Variants in SND1 observed in about 807,000 individuals in gnomAD.
SND1 encodes staphylococcal nuclease domain-containing protein 1.
SND1 carries 38 observed loss-of-function variants against 121.7 expected under a neutral mutation model. That is an observed-to-expected ratio of 0.31 (90% CI 0.24 to 0.41). SND1 has a LOEUF of 0.41. SND1 is among the 10% of genes least tolerant of loss of function. The pLI is 1.00. For missense variants in SND1, 868 were observed against 1,184.6 expected, an observed-to-expected ratio of 0.73 and a Z score of 3.92; for synonymous variants, 401 against 447.4, an observed-to-expected ratio of 0.90 and a Z score of 1.31.
intron 15 of SND1, among the ~76,000 whole-genome samples, chr7:127,986,914 GTCT>G (rs762067281): frequency 6.6e-6 from 1 of 152,192 alleles, no homozygotes; most frequent in Non-Finnish European, 1.5e-5. Flanking sequence ...GTAGTGTTTT[GTCT>G]TCTTTTGTGT....
intron 10 of SND1, among the ~76,000 whole-genome samples, chr7:127,762,911 A>G (rs1385995792): frequency 6.6e-6 from 1 of 152,224 alleles, no homozygotes; most frequent in Admixed American, 6.5e-5. Flanking sequence ...CTGGCTAAAT[A>G]TGTAGGTAAC....
chr7:127,809,220 C>T (rs1798292163), intron 11 of SND1, among the ~76,000 whole-genome samples: 1 of 152,138 alleles, frequency 6.6e-6, no homozygotes, highest in Non-Finnish European at 1.5e-5. Context: ...AATTAGGTTC[C>T]CTCTTGGTGA....
chr7:127,817,269 T>G (rs1483191232), intron 11 of SND1, among the ~76,000 whole-genome samples: 1 of 152,176 alleles, frequency 6.6e-6, no homozygotes, highest in Non-Finnish European at 1.5e-5. Context: ...AGTGTACTGA[T>G]TGTGGTTATC....
intron 16 of SND1, among the ~76,000 whole-genome samples, chr7:128,051,331 TGA>T (rs143237094): frequency 0.086 from 12,997 of 151,590 alleles, 1,001 homozygotes; most frequent in African/African-American, 0.2. Flanking sequence ...CCTGTAAGTA[TGA>T]GAGAGAGAGA....
chr7:127,923,330 G>A (rs1189481656), intron 14 of SND1, among the ~76,000 whole-genome samples: 1 of 152,004 alleles, frequency 6.6e-6, no homozygotes, highest in Non-Finnish European at 1.5e-5. Flanking sequence ...TTTTGTTTGG[G>A]GGTTTGTTTT....
chr7:128,030,045 T>C (rs1468111270), intron 16 of SND1: 2 of 1,613,270 alleles, frequency 1.2e-6, no homozygotes, highest in Middle Eastern at 1.6e-4. Context: ...GTTCAGATAC[T>C]TGAGGTTGAA....
rs77709985 is a variant in SND1, at chr7:128,035,764, C to T, written c.1780-38738C>T. On this transcript the variant is annotated intron_variant, in intron 16 of 23. Transcript: ENST00000354725. ...AGCACCAGTCTGCACTTCCTAGTGA[C>T]TTTGGGTCGCCAATAGAAAATGACA... 5.0e-3 allele frequency among the ~76,000 whole-genome samples: 769 copies of T among 152,316 alleles called. 5 individuals carry two copies. Among genetic ancestry groups the T allele is most frequent in the African/African-American group, 0.018 (741 of 41,556 alleles).
chr7:127,982,757 A>G (rs1802295347), intron 15 of SND1, among the ~76,000 whole-genome samples: 2 of 152,210 alleles, frequency 1.3e-5, no homozygotes, highest in African/African-American at 4.8e-5. Context: ...GCAGTTTTCA[A>G]TAGTGAACTG....
chr7:127,663,662 CA>C (rs1235558381), intron 1 of SND1, among the ~76,000 whole-genome samples: 2 of 152,206 alleles, frequency 1.3e-5, no homozygotes, highest in Admixed American at 1.3e-4. Flanking sequence ...AGGCGTGAGC[CA>C]CCACGCCTGG....
rs1051795835 is a variant in SND1 at position 127,666,096 on chromosome 7, C to G, written c.78+13645C>G. Among the ~76,000 whole-genome samples, 4 of 152,328 alleles carry G rather than the reference C, an allele frequency of 2.6e-5. No individual in the cohort carries two copies. In the East Asian group the frequency reaches 7.7e-4, roughly 29 times the overall value. On this transcript the variant is annotated intron_variant, in intron 1 of 23. Coordinates refer to ENST00000354725, the MANE Select transcript of SND1 (RefSeq NM_014390.4). ...TTAAAAGCTGAGTTATCTTGTTAAG[C>G]TGTTCTCTTGTGAGGGCTTTAGAAT...
chr7:127,852,617 C>G (rs1799189947), intron 12 of SND1, among the ~76,000 whole-genome samples: 1 of 152,050 alleles, frequency 6.6e-6, no homozygotes, highest in African/African-American at 2.4e-5. Flanking sequence ...CAAGACCAGC[C>G]TGCCCAACAT....
chr7:128,078,884 G>T (rs1437905622), intron 17 of SND1, among the ~76,000 whole-genome samples: 2 of 152,216 alleles, frequency 1.3e-5, no homozygotes, highest in Non-Finnish European at 1.5e-5. Flanking sequence ...CAAGCTCAGT[G>T]CCGGGAAAGG....
At chr7:127,689,120 CAG>C in intron 2 of SND1, among the ~76,000 whole-genome samples, 1 of 152,208 alleles carries the variant, frequency 6.6e-6, no homozygotes, top group East Asian at 1.9e-4. Flanking sequence ...GCATATACCT[CAG>C]GGTCGTTTAA....
chr7:128,032,245 GC>G (rs1792643171), intron 16 of SND1: 1 of 149,530 alleles, frequency 6.7e-6, no homozygotes, highest in Non-Finnish European at 1.5e-5. Flanking sequence ...GCGCCGCGCA[GC>G]CCCGCGCCTC....
At position 127,819,001 on chromosome 7, in the gene SND1, T is replaced by C. The variant is rs151114810; in HGVS notation, c.1242+11428T>C. Among the ~76,000 whole-genome samples the C allele has an allele frequency of 3.0e-4, 45 of 152,302 alleles. 1 individual carries two copies. The East Asian group carries it at 6.6e-3, about 22-fold the overall frequency. ...AACATTTGAGTGAGAAAATCATAAT[T>C]TGATGGTCTCTGCATTTATGACACC... is the stretch of plus-strand genomic sequence containing the variant. On this transcript the variant is annotated intron_variant, in intron 11 of 23. Coordinates refer to ENST00000354725, the MANE Select transcript of SND1 (RefSeq NM_014390.4).
At chr7:127,752,979 A>G (rs1797128285) in intron 10 of SND1, among the ~76,000 whole-genome samples, 1 of 152,186 alleles carries the variant, frequency 6.6e-6, no homozygotes, top group Non-Finnish European at 1.5e-5. Context: ...TATCTGCTTG[A>G]AGACAGCTGA....
chr7:127,894,383 TAA>T (rs879884918), intron 13 of SND1, among the ~76,000 whole-genome samples: 13 of 141,338 alleles, frequency 9.2e-5, no homozygotes, highest in Admixed American at 1.4e-4. Flanking sequence ...ATGTGTGCCT[TAA>T]AAAAAAAAAA....
At chr7:127,932,008 A>G (rs1282686317) in intron 15 of SND1, among the ~76,000 whole-genome samples, 2 of 152,270 alleles carry the variant, frequency 1.3e-5, no homozygotes, top group African/African-American at 4.8e-5. Flanking sequence ...GCCTGCTAAC[A>G]TAGCATTCAT....
At position 127,870,534 on chromosome 7, in the gene SND1, A is replaced by G. The variant is rs148060661; in HGVS notation, c.1344-17368A>G. ...CTGTATGGTATAGCCTGTTGTTCCT[A>G]TACTAAAAACTGTACATCATGTTGC... On this transcript the variant is annotated intron_variant, in intron 12 of 23. Coordinates refer to ENST00000354725, the MANE Select transcript of SND1 (RefSeq NM_014390.4). Among the ~76,000 whole-genome samples the G allele has an allele frequency of 3.0e-3, 455 of 152,312 alleles. 4 individuals carry two copies. The highest frequency in any genetic ancestry group is 9.9e-3 in the African/African-American group (413 of 41,568).
Sources: allele counts gnomAD v4.1 joint callset (sites outside exome capture counted in the v4.1 genomes callset), GRCh38; gene constraint gnomAD v4.1.1; transcripts MANE v1.5; gene names NCBI Gene and HGNC (gene_info 2026-07-23, HGNC 2026-07-21).